Variants in TPO observed in about 807,000 individuals in gnomAD.
TPO encodes the protein thyroid microsomal antigen.
Under a neutral mutation model 96.9 loss-of-function variants are expected in TPO, and 78 were observed. The observed-to-expected ratio is 0.81, with a 90% CI of 0.67 to 0.97. The LOEUF is 0.97. TPO is among the 50% of genes least tolerant of loss of function. TPO has a pLI of 0.00. For missense variants in TPO, 1,252 were observed against 1,274.8 expected, an observed-to-expected ratio of 0.98 and a Z score of 0.27; for synonymous variants, 547 against 538.0, an observed-to-expected ratio of 1.02 and a Z score of -0.23.
rs1229453086 is a variant in TPO at position 1,459,260 on chromosome 2, T to C, written c.819+2978T>C. ...TCCGCCTCCCGGGTTCAAGCAATAC[T>C]TCTGCCTCAGCCTCCCTAGTAGCTG... On this transcript the variant is annotated intron_variant, in intron 7 of 16. Transcript: ENST00000329066. Among the ~76,000 whole-genome samples the C allele has an allele frequency of 3.9e-5, 6 of 152,022 alleles. No individual in the cohort carries two copies. The East Asian group carries it at 1.2e-3, about 29-fold the overall frequency.
At chr2:1,391,448 T>C (rs1661999391) in intron 1 of TPO, among the ~76,000 whole-genome samples, 1 of 152,222 alleles carries the variant, frequency 6.6e-6, no homozygotes, top group Non-Finnish European at 1.5e-5. Context: ...TCAGGTAGCG[T>C]GATGCCTCCA....
At chr2:1,416,944 C>T (rs1056494938) in intron 2 of TPO, among the ~76,000 whole-genome samples, 6 of 152,178 alleles carry the variant, frequency 3.9e-5, no homozygotes, top group East Asian at 1.9e-4. Context: ...ACACGGTCAC[C>T]GTAAGCACAT....
At chr2:1,430,340 G>T (rs1183444152) in intron 3 of TPO, among the ~76,000 whole-genome samples, 1 of 152,208 alleles carries the variant, frequency 6.6e-6, no homozygotes, top group Non-Finnish European at 1.5e-5. Flanking sequence ...CTCACAGAAT[G>T]CAGGAGTTAA....
upstream of TPO, among the ~76,000 whole-genome samples, chr2:1,409,816 G>A (rs944129908): frequency 3.3e-5 from 5 of 151,156 alleles, no homozygotes; most frequent in African/African-American, 9.7e-5. Flanking sequence ...ACACATGCAC[G>A]TGCACATACA....
chr2:1,375,687 C>T (rs1388760690), intron 1 of TPO, among the ~76,000 whole-genome samples: 2 of 152,090 alleles, frequency 1.3e-5, no homozygotes, highest in Admixed American at 6.5e-5. Flanking sequence ...CCTGTGGCAT[C>T]GTGAGTTTGG....
chr2:1,418,368 A>C (rs1291732733), intron 2 of TPO, among the ~76,000 whole-genome samples: 1 of 152,114 alleles, frequency 6.6e-6, no homozygotes, highest in Non-Finnish European at 1.5e-5. Context: ...CTTGCCTGCA[A>C]ACTGTAGGAA....
intron 7 of TPO, among the ~76,000 whole-genome samples, chr2:1,465,734 G>C (rs974255038): frequency 6.6e-6 from 1 of 152,086 alleles, no homozygotes; most frequent in African/African-American, 2.4e-5. Context: ...ACTGATTTCT[G>C]TACATTAATT....
chr2:1,401,202 C>T (rs58784488), intron 1 of TPO, among the ~76,000 whole-genome samples: 2,915 of 152,304 alleles, frequency 0.019, 64 homozygotes, highest in East Asian at 0.074. Flanking sequence ...GAAAGTCACC[C>T]TGATAAAAGT....
At chr2:1,488,927 G>A (rs1488135643) in intron 10 of TPO, among the ~76,000 whole-genome samples, 13 of 152,170 alleles carry the variant, frequency 8.5e-5, no homozygotes, top group African/African-American at 3.1e-4. Flanking sequence ...GCCCCTATGT[G>A]TGTCAGGATA....
chr2:1,484,985 G>A (rs1031506112), intron 9 of TPO, 131 bp downstream of exon 9: 6 of 1,413,882 alleles, frequency 4.2e-6, no homozygotes, highest in South Asian at 2.6e-5. Context: ...GTATACATGT[G>A]CCATGTTGGT....
chr2:1,427,082 C>T (rs1664490300), intron 3 of TPO, among the ~76,000 whole-genome samples: 2 of 152,166 alleles, frequency 1.3e-5, no homozygotes, highest in African/African-American at 4.8e-5. Context: ...GGACTTTGCT[C>T]CCAAGGTAGA....
chr2:1,532,482 C>A (rs1170831711), intron 15 of TPO, among the ~76,000 whole-genome samples: 10 of 134,086 alleles, frequency 7.5e-5, no homozygotes, highest in East Asian at 2.3e-4. Context: ...AAATCCCCCC[C>A]ACAGTGCAAA....
intron 15 of TPO, among the ~76,000 whole-genome samples, chr2:1,519,448 G>T (rs1675029070): frequency 6.6e-6 from 1 of 152,118 alleles, no homozygotes; most frequent in African/African-American, 2.4e-5. Flanking sequence ...TACCAGTGAA[G>T]ATTGAATAAT....
At chr2:1,538,736 CCATAACAAAGAACCACACGTTTGGTGGCT>C (rs1377676546) in intron 15 of TPO, among the ~76,000 whole-genome samples, 1 of 152,108 alleles carries the variant, frequency 6.6e-6, no homozygotes, top group African/African-American at 2.4e-5. Flanking sequence ...GCGAGGGCTG[CCATAACAAAGAACCACACGTTTGGTGGCT>C]TAAAGCAACA....
At chr2:1,463,760 C>T (rs368909206) in intron 7 of TPO, among the ~76,000 whole-genome samples, 5 of 152,270 alleles carry the variant, frequency 3.3e-5, no homozygotes, top group African/African-American at 9.6e-5. Flanking sequence ...TGCAAACCCC[C>T]CATCCACTGC....
At chr2:1,452,058 A>G (rs557765871) in intron 5 of TPO, among the ~76,000 whole-genome samples, 7 of 152,266 alleles carry the variant, frequency 4.6e-5, no homozygotes, top group South Asian at 2.1e-4. Context: ...GCATTTATAT[A>G]TTTGAATATG....
Position 1,478,118 on chromosome 2 carries a change from C to G in TPO, c.1338+514C>G. 3 of 985,438 alleles carry G rather than the reference C, an allele frequency of 3.0e-6. No homozygotes were observed. The African/African-American group carries it at 5.2e-5, about 17-fold the overall frequency. 61.0% of individuals were successfully genotyped at this position (985,438 alleles called of 1,614,324 possible). On this transcript the variant is annotated intron_variant, in intron 8 of 16. Transcript: ENST00000329066. ...GAAGAACCGACTCTGTGTGAGGATT[C>G]TGAACTAACAAGTTAGAGTCTATTT...
intron 1 of TPO, among the ~76,000 whole-genome samples, chr2:1,388,124 G>C (rs530237547): frequency 2.0e-5 from 3 of 152,298 alleles, no homozygotes; most frequent in African/African-American, 4.8e-5. Flanking sequence ...GCCCCTACTC[G>C]GGGGTGCCTC....
At chr2:1,493,343 C>T (rs1374726469) in intron 10 of TPO, among the ~76,000 whole-genome samples, 1 of 152,006 alleles carries the variant, frequency 6.6e-6, no homozygotes, top group Non-Finnish European at 1.5e-5. Flanking sequence ...AACAGGAATG[C>T]ACTTAGATGT....
Sources: allele counts gnomAD v4.1 joint callset (sites outside exome capture counted in the v4.1 genomes callset), GRCh38; gene constraint gnomAD v4.1.1; transcripts MANE v1.5; gene names NCBI Gene and HGNC (gene_info 2026-07-23, HGNC 2026-07-21).